Variants in ODF2 observed in about 807,000 individuals in gnomAD.
ODF2 encodes the protein outer dense fiber of sperm tails 2, also known as outer dense fiber protein 2.
Under a neutral mutation model 110.2 loss-of-function variants are expected in ODF2, and 47 were observed. The observed-to-expected ratio is 0.43, with a 90% CI of 0.34 to 0.54. The LOEUF (loss-of-function observed/expected upper bound fraction) is 0.54, where lower values mean the gene tolerates loss of function less well. Among genes scored for constraint, ODF2 ranks in the 20% least tolerant of loss-of-function variants. ODF2 has a pLI of 0.03. For missense variants in ODF2, 812 were observed against 1,054.5 expected, an observed-to-expected ratio of 0.77 and a Z score of 3.19; for synonymous variants, 352 against 397.7, an observed-to-expected ratio of 0.89 and a Z score of 1.37.
intron 1 of ODF2, chr9:128,456,505 C>G (rs1352287177): frequency 1.3e-6 from 2 of 1,526,494 alleles, no homozygotes; most frequent in African/African-American, 2.8e-5. Flanking sequence ...GGCTCTGCCC[C>G]TCCTCTGCCG....
At chr9:128,459,292 A>T (rs1336310067) in intron 2 of ODF2, among the ~76,000 whole-genome samples, 1 of 152,146 alleles carries the variant, frequency 6.6e-6, no homozygotes, top group Non-Finnish European at 1.5e-5. Flanking sequence ...ATCTGACAGG[A>T]TGTCAGCTAG....
chr9:128,484,583 T>G lies in ODF2; in HGVS notation c.1105-118T>G, dbSNP rs918231794. 12 of 1,116,944 alleles carry G rather than the reference T, an allele frequency of 1.1e-5. No homozygotes were observed. In the African/African-American group the frequency reaches 1.7e-4, roughly 16 times the overall value. 69.2% of individuals were successfully genotyped at this position (1,116,944 alleles called of 1,614,324 possible). On this transcript the variant is annotated intron_variant, in intron 11 of 20. Transcript: ENST00000604420. ...CACAGCTAAGCACTTTTTTCTGTCT[T>G]CCTCGTTTCCTCTTTGCTCTTGCCT...
intron 20 of ODF2, among the ~76,000 whole-genome samples, chr9:128,499,755 G>T: frequency 6.6e-6 from 1 of 152,138 alleles, no homozygotes; most frequent in Non-Finnish European, 1.5e-5. Context: ...GACTACAGGC[G>T]CACACCATCA....
At chr9:128,473,941 A>T (rs935902693) in intron 8 of ODF2, among the ~76,000 whole-genome samples, 200 bp downstream of exon 8, 2 of 152,214 alleles carry the variant, frequency 1.3e-5, no homozygotes, top group Non-Finnish European at 2.9e-5. Flanking sequence ...CAAGCCAGGC[A>T]GCACCGGAAC....
intron 13 of ODF2, among the ~76,000 whole-genome samples, chr9:128,486,477 G>T (rs949647613): frequency 6.6e-6 from 1 of 152,216 alleles, no homozygotes; most frequent in East Asian, 1.9e-4. Context: ...TGATATGTTT[G>T]CTTGGGCCTA....
rs1430173431 is a variant in ODF2 at position 128,460,339 on chromosome 9, C to T, written c.124-603C>T. On this transcript the variant is annotated intron_variant, in intron 3 of 20. Coordinates refer to ENST00000604420, the Ensembl canonical transcript of ODF2. ...CCCTCTCTTGAGTGGACCAGAATCT[C>T]CCTTGTGGTCTTCTGCTGGGATCTC... is the stretch of plus-strand genomic sequence containing the variant. 4 of 1,434,740 alleles carry T rather than the reference C, an allele frequency of 2.8e-6. No homozygotes were observed. In the African/African-American group the frequency reaches 4.3e-5, roughly 15 times the overall value. 88.9% of individuals were successfully genotyped at this position (1,434,740 alleles called of 1,614,324 possible). A position where few individuals can be genotyped will look rare whatever the true frequency, so the allele number is the denominator to read the frequency against.
intron 1 of ODF2, chr9:128,457,036 C>T: frequency 1.6e-6 from 2 of 1,284,804 alleles, no homozygotes; most frequent in Non-Finnish European, 2.0e-6. Flanking sequence ...CCTCTCCGCA[C>T]GTCCGCCGGC....
chr9:128,484,992 G>A, intron 12 of ODF2, 106 bp downstream of exon 12: 1 of 1,176,840 alleles, frequency 8.5e-7, no homozygotes, highest in Admixed American at 2.0e-5. Context: ...GGTGGATGAG[G>A]GATGGTAGTG....
intron 1 of ODF2, 73 bp downstream of exon 1, chr9:128,456,328 C>T (rs1834765390): frequency 6.2e-6 from 9 of 1,460,772 alleles, no homozygotes; most frequent in Non-Finnish European, 7.2e-6. Flanking sequence ...CTTCGCACCC[C>T]CGGCGCGGTC....
chr9:128,496,560 G>C, intron 18 of ODF2, among the ~76,000 whole-genome samples: 1 of 152,240 alleles, frequency 6.6e-6, no homozygotes, highest in East Asian at 1.9e-4. Flanking sequence ...CGGATTGTTG[G>C]AGGCAGTCAG....
Position 128,496,050 on chromosome 9 carries a change from C to T in ODF2, c.1921C>T (p.Gln641Ter), listed in dbSNP as rs753887836. The change falls in exon 18 of 21, where the codon CAG (glutamine) becomes TAG (stop). Residue 641 changes from glutamine (Q) to a stop codon, truncating the protein, a stop_gained. Transcript: ENST00000604420. LOFTEE classifies it high-confidence loss of function. Reference sequence around the variant, plus strand: ...GTTCCTGTCATTTTAGATCGAACACCAGGGGGACAAGCTGGAGATGGCGAG... The same window carrying T: ...GTTCCTGTCATTTTAGATCGAACACTAGGGGGACAAGCTGGAGATGGCGAG... The T allele has an allele frequency of 5.6e-6, 9 of 1,613,664 alleles. No homozygotes were observed. The South Asian group carries it at 7.7e-5, about 14-fold the overall frequency.
upstream of ODF2, chr9:128,455,240 G>C: frequency 6.5e-7 from 1 of 1,535,248 alleles, no homozygotes; most frequent in Non-Finnish European, 8.7e-7. Flanking sequence ...TCTGTACACA[G>C]AGCGGCATAG....
chr9:128,496,846 G>A (rs917688651), intron 18 of ODF2, among the ~76,000 whole-genome samples: 2 of 152,134 alleles, frequency 1.3e-5, no homozygotes, highest in African/African-American at 4.8e-5. Flanking sequence ...TCCTGCCACA[G>A]CCTCCCAAGT....
upstream of ODF2, among the ~76,000 whole-genome samples, chr9:128,455,718 C>T (rs1834630809): frequency 6.6e-6 from 1 of 152,054 alleles, no homozygotes; most frequent in South Asian, 2.1e-4. Flanking sequence ...TCCATCTCCG[C>T]ATTAATAGTG....
At chr9:128,499,162 G>T in intron 20 of ODF2, 36 bp downstream of exon 20, 1 of 1,613,018 alleles carries the variant, frequency 6.2e-7, no homozygotes, top group Non-Finnish European at 8.5e-7. Flanking sequence ...AGGAGAGTGG[G>T]CAGCAGACCT....
At chr9:128,472,537 A>C (rs1252173941) in intron 6 of ODF2, among the ~76,000 whole-genome samples, 3 of 152,080 alleles carry the variant, frequency 2.0e-5, no homozygotes, top group Non-Finnish European at 2.9e-5. Flanking sequence ...AAAAGCAGGG[A>C]GGTGGCCTGA....
At chr9:128,460,014 T>C (rs1836001305) in intron 3 of ODF2, 1 of 606,500 alleles carries the variant, frequency 1.6e-6, no homozygotes, top group Non-Finnish European at 2.7e-6. Context: ...GCCTTGCTCA[T>C]GTTTTCTTTA....
At chr9:128,497,446 A>AAAAAATAT (rs1554857542) in intron 18 of ODF2, 5 of 42,588 alleles carry the variant, frequency 1.2e-4, no homozygotes, top group Non-Finnish European at 1.4e-4. Context: ...AAAAAAAAAA[A>AAAAAATAT]ATATATATAT....
intron 4 of ODF2, among the ~76,000 whole-genome samples, chr9:128,463,801 G>A (rs1378946628): frequency 1.3e-5 from 2 of 152,064 alleles, no homozygotes; most frequent in Admixed American, 6.6e-5. Context: ...GTGGTAAGCA[G>A]TGATTGCCTC....
Sources: gnomAD v4.1 joint callset for allele counts (sites outside exome capture counted in the v4.1 genomes callset) on GRCh38, gnomAD v4.1.1 for gene constraint, MANE v1.5 for transcripts, NCBI Gene and HGNC (gene_info 2026-07-23, HGNC 2026-07-21) for gene names.